DGKK: variants seen among roughly 807,000 people sequenced by gnomAD.
The protein encoded by DGKK is diacylglycerol kinase kappa.
A neutral mutation model predicts 92.2 loss-of-function variants in DGKK; 35 were observed. That is an observed-to-expected ratio of 0.38 (90% CI 0.29 to 0.50). The LOEUF is 0.50. DGKK is among the 20% of genes least tolerant of loss of function. The pLI is 0.92. For missense variants in DGKK, 910 were observed against 992.2 expected (o/e 0.92, Z 1.11); for synonymous variants, 368 against 360.6 (o/e 1.02, Z -0.23).
intron 8 of DGKK, among the ~76,000 whole-genome samples, chrX:50,395,863 C>T (rs782316139): frequency 6.8e-4 from 74 of 108,342 alleles, no homozygotes; most frequent in Non-Finnish European, 1.2e-3. Context: ...CACTCTCATA[C>T]ACCAAGAATG....
chrX:50,444,520 A>G (rs1406459069), intron 1 of DGKK, among the ~76,000 whole-genome samples: 1 of 110,903 alleles, frequency 9.0e-6, no homozygotes, highest in African/African-American at 3.3e-5. Context: ...TTTAGCTCCC[A>G]CTTATAAGTG....
intron 2 of DGKK, among the ~76,000 whole-genome samples, 185 bp downstream of exon 2, chrX:50,424,063 C>T (rs1167702213): frequency 3.6e-5 from 4 of 110,948 alleles, no homozygotes; most frequent in South Asian, 3.8e-4. Flanking sequence ...GAAAGGGATA[C>T]AGAAAAGAGA....
chrX:50,407,616 C>T (rs782587911), intron 4 of DGKK, among the ~76,000 whole-genome samples: 2 of 111,904 alleles, frequency 1.8e-5, no homozygotes, highest in Non-Finnish European at 3.8e-5. Context: ...CCTAAATGTC[C>T]TATCTCCAAA....
At chrX:50,369,101 A>G (rs1355763741) in intron 27 of DGKK, 82 bp from the exon 28 acceptor site, 1 of 730,686 alleles carries the variant, frequency 1.4e-6, no homozygotes, top group East Asian at 3.4e-5. Context: ...AAAAGAGAGC[A>G]AAAAGTCTGT....
intron 1 of DGKK, among the ~76,000 whole-genome samples, chrX:50,441,363 G>T (rs1353556636): frequency 9.0e-6 from 1 of 111,284 alleles, no homozygotes; most frequent in Non-Finnish European, 1.9e-5. Context: ...GGAGGTAAGA[G>T]GACATTCTAA....
chrX:50,392,234 C>T (rs1924717076), intron 10 of DGKK, 107 bp downstream of exon 10: 1 of 547,926 alleles, frequency 1.8e-6, no homozygotes, highest in Non-Finnish European at 3.0e-6. Context: ...CTGGGGGAAA[C>T]ATATTTTACA....
intron 1 of DGKK, among the ~76,000 whole-genome samples, chrX:50,435,318 T>C (rs1290894159): frequency 2.7e-5 from 3 of 112,170 alleles, no homozygotes; most frequent in Non-Finnish European, 5.6e-5. Context: ...TTCATGGCTT[T>C]AAATGCCTCT....
intron 4 of DGKK, among the ~76,000 whole-genome samples, chrX:50,415,551 T>C (rs1476171875): frequency 9.0e-6 from 1 of 111,649 alleles, no homozygotes; most frequent in African/African-American, 3.3e-5. Context: ...TTCTACTAAA[T>C]GTGTATTGCT....
Position 50,403,693 on chromosome X carries a change from T to C in DGKK, c.1079-96A>G, listed in dbSNP as rs1487099571. On this transcript the variant is annotated intron_variant, in intron 5 of 27. Coordinates refer to ENST00000611977, the MANE Select transcript of DGKK (RefSeq NM_001013742.4). The stretch of plus-strand genomic sequence containing the variant: ...GCTGCTCTGAAAGTTAGAACACAGA[T>C]GCATTCTAAATAGTTCTAATGCACC... 1.1e-5 allele frequency: 8 copies of C among 734,916 alleles called. No homozygotes were observed. In the East Asian group the frequency reaches 2.6e-4, roughly 24 times the overall value. 60.6% of individuals were successfully genotyped at this position (734,916 alleles called of 1,213,427 possible).
At chrX:50,383,374 G>C (rs1413258901) in intron 17 of DGKK, among the ~76,000 whole-genome samples, 1 of 111,631 alleles carries the variant, frequency 9.0e-6, no homozygotes, top group Non-Finnish European at 1.9e-5. Context: ...AGATCCATGA[G>C]AGCTCAGACA....
intron 1 of DGKK, among the ~76,000 whole-genome samples, chrX:50,464,193 C>T (rs1222899634): frequency 9.5e-6 from 1 of 105,206 alleles, no homozygotes; most frequent in African/African-American, 3.5e-5. Flanking sequence ...GTCTTTGTGA[C>T]ATTGAAGTAC....
rs963913911 is a variant in DGKK, at chrX:50,422,788, G to T, written c.757-262C>A. ...TACAGACATTTATGTGGAATTATAG[G>T]AAGGCTTGAGTTGGTCAGCTCAGAA... is the stretch of plus-strand genomic sequence containing the variant. On this transcript the variant is annotated intron_variant, in intron 2 of 27. Transcript: ENST00000611977. Among the ~76,000 whole-genome samples the T allele has an allele frequency of 7.1e-5, 8 of 112,261 alleles. No homozygotes were observed. In the East Asian group the frequency reaches 2.0e-3, roughly 28 times the overall value.
intron 4 of DGKK, among the ~76,000 whole-genome samples, chrX:50,405,852 A>C (rs1557227223): frequency 1.8e-5 from 2 of 111,937 alleles, no homozygotes; most frequent in Non-Finnish European, 3.8e-5. Flanking sequence ...GAGAGTCCTG[A>C]GGGAGTGACA....
At chrX:50,465,966 C>T (rs887435420) in intron 1 of DGKK, among the ~76,000 whole-genome samples, 1 of 107,024 alleles carries the variant, frequency 9.3e-6, no homozygotes, top group Non-Finnish European at 1.9e-5. Flanking sequence ...TATTAGAATA[C>T]CCCTGAATGG....
chrX:50,415,393 TG>T (rs1485912972), intron 4 of DGKK, among the ~76,000 whole-genome samples: 4 of 112,042 alleles, frequency 3.6e-5, no homozygotes, highest in Non-Finnish European at 7.5e-5. Context: ...CCCAAAACTT[TG>T]GCAACACAGT....
Position 50,392,331 on chromosome X carries a change from A to T in DGKK, c.1704+10T>A. The stretch of plus-strand genomic sequence containing the variant: ...TAGCAATGGCTAAACTGAGTCATCC[A>T]GGGACTTACCTTTTCATGTAATCCA... On this transcript the variant is annotated intron_variant, in intron 10 of 27. Transcript: ENST00000611977. 8.4e-7 allele frequency: 1 copy of T among 1,186,136 alleles called. No individual in the cohort carries two copies. The highest frequency in any genetic ancestry group is 1.1e-6 in the Non-Finnish European group (1 of 872,146).
chrX:50,462,096 C>A (rs1429016475), intron 1 of DGKK, among the ~76,000 whole-genome samples: 2 of 111,472 alleles, frequency 1.8e-5, no homozygotes, highest in African/African-American at 3.3e-5. Flanking sequence ...AATGACGCAG[C>A]GAATTCCCAA....
chrX:50,463,330 TC>T (rs1262785309), intron 1 of DGKK, among the ~76,000 whole-genome samples: 2 of 75,218 alleles, frequency 2.7e-5, no homozygotes, highest in East Asian at 9.6e-4. Flanking sequence ...TCTTTTTCCC[TC>T]TCCTCCCTTC....
chrX:50,449,295 C>T (rs1926439007), intron 1 of DGKK, among the ~76,000 whole-genome samples: 2 of 111,289 alleles, frequency 1.8e-5, no homozygotes, highest in Middle Eastern at 4.6e-3. Flanking sequence ...TTTTTCCCCT[C>T]CTTAAGTGGA....
Sources: allele counts gnomAD v4.1 joint callset (sites outside exome capture counted in the v4.1 genomes callset), GRCh38; gene constraint gnomAD v4.1.1; transcripts MANE v1.5; gene names NCBI Gene and HGNC (gene_info 2026-07-23, HGNC 2026-07-21).